Variants in SOX6 observed in about 807,000 individuals in gnomAD.
SOX6 encodes SRY-box transcription factor 6.
Under a neutral mutation model 97.8 loss-of-function variants are expected in SOX6, and 11 were observed. That is an observed-to-expected ratio of 0.11 (90% CI 0.07 to 0.19). The LOEUF is 0.19. Ranked by LOEUF, SOX6 falls within the 10% of genes least tolerant of loss-of-function variation. The probability of loss-of-function intolerance (pLI) is 1.00; values close to 1 mark genes in which losing one functional copy is unlikely to be tolerated. For synonymous variants in SOX6, 360 were observed against 371.4 expected (o/e 0.97, Z 0.35); for missense variants, 810 against 1,039.5 (o/e 0.78, Z 3.04).
chr11:16,418,165 T>A (rs1858961010), intron 1 of SOX6, among the ~76,000 whole-genome samples: 1 of 152,148 alleles, frequency 6.6e-6, no homozygotes, highest in Admixed American at 6.5e-5. Flanking sequence ...ACTACTGAAA[T>A]TGCATACAAT....
chr11:15,981,129 A>T (rs1480407056), intron 15 of SOX6, among the ~76,000 whole-genome samples: 1 of 152,080 alleles, frequency 6.6e-6, no homozygotes, highest in Admixed American at 6.6e-5. Flanking sequence ...CCTAAAAAGC[A>T]TTTTTTCCTT....
intron 6 of SOX6, among the ~76,000 whole-genome samples, chr11:16,134,092 T>A (rs1849892121): frequency 6.6e-6 from 1 of 152,270 alleles, no homozygotes; most frequent in Non-Finnish European, 1.5e-5. Flanking sequence ...GGCACTTTTT[T>A]AAGTGCTTTA....
intron 6 of SOX6, among the ~76,000 whole-genome samples, chr11:16,129,866 G>T (rs746930566): frequency 1.1e-4 from 17 of 151,994 alleles, no homozygotes; most frequent in Non-Finnish European, 1.2e-4. Flanking sequence ...ATAGTGAAAG[G>T]ATCCTTGCTT....
intron 3 of SOX6, among the ~76,000 whole-genome samples, chr11:16,259,710 A>C: frequency 6.6e-6 from 1 of 152,150 alleles, no homozygotes; most frequent in East Asian, 1.9e-4. Context: ...CAAGAAGAAA[A>C]CAAAATTAAT....
chr11:16,531,825 T>G (rs1434197163), intron 4 of SOX6, among the ~76,000 whole-genome samples: 1 of 151,916 alleles, frequency 6.6e-6, no homozygotes, highest in Admixed American at 6.6e-5. Context: ...CAAAACCTGG[T>G]TTTCCAGCCA....
chr11:16,191,001 A>T (rs1262747548), intron 4 of SOX6, among the ~76,000 whole-genome samples: 1 of 152,242 alleles, frequency 6.6e-6, no homozygotes, highest in African/African-American at 2.4e-5. Flanking sequence ...TCTTAAAAAA[A>T]TTAAACATGA....
chr11:16,305,867 C>T (rs1363449064), intron 3 of SOX6, among the ~76,000 whole-genome samples: 2 of 151,556 alleles, frequency 1.3e-5, no homozygotes, highest in Non-Finnish European at 2.9e-5. Context: ...ATTTATATAA[C>T]ATCTTTAAGA....
intron 3 of SOX6, among the ~76,000 whole-genome samples, chr11:16,695,842 A>C (rs534188887): frequency 1.3e-5 from 2 of 149,970 alleles, no homozygotes; most frequent in Admixed American, 6.6e-5. Flanking sequence ...AAAAAAAAAA[A>C]CACACACACA....
At chr11:16,155,726 T>C (rs1370083799) in intron 6 of SOX6, among the ~76,000 whole-genome samples, 3 of 152,108 alleles carry the variant, frequency 2.0e-5, no homozygotes, top group Non-Finnish European at 4.4e-5. Flanking sequence ...GTGAACTAGT[T>C]CCAAAGTCTC....
chr11:16,387,104 A>C (rs1411914585), intron 1 of SOX6, among the ~76,000 whole-genome samples: 1 of 152,128 alleles, frequency 6.6e-6, no homozygotes, highest in African/African-American at 2.4e-5. Context: ...TTTGATCATC[A>C]TTGCTCAGTG....
At chr11:16,110,696 A>C (rs1849208799) in intron 7 of SOX6, among the ~76,000 whole-genome samples, 1 of 152,192 alleles carries the variant, frequency 6.6e-6, no homozygotes. Flanking sequence ...CTTACAAAGA[A>C]GGAAGTTCTC....
At chr11:16,049,986 G>A in intron 10 of SOX6, 48 bp from the exon 11 acceptor site, 5 of 1,593,862 alleles carry the variant, frequency 3.1e-6, no homozygotes, top group Non-Finnish European at 4.3e-6. Flanking sequence ...GACAAATGAA[G>A]CACATTATCA....
chr11:16,448,320 A>C (rs1163872395), intron 1 of SOX6, among the ~76,000 whole-genome samples: 1 of 152,180 alleles, frequency 6.6e-6, no homozygotes, highest in African/African-American at 2.4e-5. Context: ...TTCCTTGGGA[A>C]ACTAAATTCT....
intron 1 of SOX6, among the ~76,000 whole-genome samples, chr11:16,400,885 T>G (rs1158710837): frequency 6.6e-6 from 1 of 151,518 alleles, no homozygotes; most frequent in African/African-American, 2.4e-5. Flanking sequence ...TCCTCCTTTA[T>G]GATTAAACAT....
intron 4 of SOX6, among the ~76,000 whole-genome samples, chr11:16,587,495 A>G (rs1848107772): frequency 6.6e-6 from 1 of 152,214 alleles, no homozygotes; most frequent in South Asian, 2.1e-4. Flanking sequence ...TCACCATCTT[A>G]TGAAAGCATC....
At chr11:16,189,150 A>G (rs893155182) in intron 4 of SOX6, among the ~76,000 whole-genome samples, 1 of 152,238 alleles carries the variant, frequency 6.6e-6, no homozygotes, top group Non-Finnish European at 1.5e-5. Context: ...AGGAATACAA[A>G]TAAGACAAAT....
At chr11:16,320,189 T>C (rs896389786) in intron 2 of SOX6, among the ~76,000 whole-genome samples, 1 of 152,084 alleles carries the variant, frequency 6.6e-6, no homozygotes, top group Admixed American at 6.6e-5. Context: ...TATATTTATA[T>C]AAAAAAGTGT....
At chr11:16,706,917 T>C (rs1020911731) in intron 3 of SOX6, among the ~76,000 whole-genome samples, 4 of 152,180 alleles carry the variant, frequency 2.6e-5, no homozygotes, top group African/African-American at 4.8e-5. Context: ...TCTTTCTCTA[T>C]GTTACTGGCT....
chr11:16,256,726 A>G (rs544651485), intron 3 of SOX6, among the ~76,000 whole-genome samples: 2 of 151,972 alleles, frequency 1.3e-5, no homozygotes, highest in South Asian at 2.1e-4. Context: ...AATAAAATAA[A>G]TAAAATAAAA....
Sources: allele counts gnomAD v4.1 joint callset (sites outside exome capture counted in the v4.1 genomes callset), GRCh38; gene constraint gnomAD v4.1.1; transcripts MANE v1.5; gene names NCBI Gene and HGNC (gene_info 2026-07-23, HGNC 2026-07-21).